Variants in CDH20 observed in about 807,000 individuals in gnomAD.
CDH20 encodes the protein cadherin 20, also known as cadherin-20.
CDH20 carries 29 observed loss-of-function variants against 74.2 expected under a neutral mutation model. That is an observed-to-expected ratio of 0.39 (90% CI 0.29 to 0.53). The LOEUF (loss-of-function observed/expected upper bound fraction) is 0.53, where lower values mean the gene tolerates loss of function less well. CDH20 is among the 20% of genes least tolerant of loss of function. CDH20 has a pLI of 0.69. For synonymous variants in CDH20, 469 were observed against 405.4 expected, an observed-to-expected ratio of 1.16 and a Z score of -1.88; for missense variants, 988 against 1,048.3, an observed-to-expected ratio of 0.94 and a Z score of 0.79.
chr18:61,383,666 T>C (rs1911507827), intron 1 of CDH20, among the ~76,000 whole-genome samples: 1 of 152,170 alleles, frequency 6.6e-6, no homozygotes. Context: ...TATTTACATA[T>C]CTGAAATTCT....
At chr18:61,504,515 T>G (rs772930957) in intron 5 of CDH20, among the ~76,000 whole-genome samples, 1 of 151,942 alleles carries the variant, frequency 6.6e-6, no homozygotes, top group Non-Finnish European at 1.5e-5. Flanking sequence ...GAATATGAAG[T>G]GACAGCAGGA....
chr18:61,350,468 C>G (rs1910267019), intron 1 of CDH20, among the ~76,000 whole-genome samples: 1 of 151,964 alleles, frequency 6.6e-6, no homozygotes, highest in Admixed American at 6.6e-5. Flanking sequence ...ATTCCATGCA[C>G]GATTCCACCC....
At chr18:61,497,254 G>A (rs990669349) in intron 2 of CDH20, among the ~76,000 whole-genome samples, 10 of 151,956 alleles carry the variant, frequency 6.6e-5, no homozygotes, top group Admixed American at 1.3e-4. Flanking sequence ...TAGATAAGAC[G>A]CAGCTGAGTT....
chr18:61,478,883 T>G (rs1247982859), intron 1 of CDH20, among the ~76,000 whole-genome samples: 1 of 152,096 alleles, frequency 6.6e-6, no homozygotes, highest in Non-Finnish European at 1.5e-5. Flanking sequence ...AAAATCTCTG[T>G]ACTAAAGTAT....
At chr18:61,538,868 G>A (rs1050630118) in intron 8 of CDH20, among the ~76,000 whole-genome samples, 156 bp from the exon 9 acceptor site, 14 of 151,814 alleles carry the variant, frequency 9.2e-5, no homozygotes, top group Non-Finnish European at 1.8e-4. Context: ...TCCTGACATC[G>A]TGATCCTCCC....
intron 1 of CDH20, among the ~76,000 whole-genome samples, chr18:61,335,028 G>A (rs1409995560): frequency 6.6e-6 from 1 of 152,120 alleles, no homozygotes; most frequent in Non-Finnish European, 1.5e-5. Flanking sequence ...CAGGGACTCA[G>A]CTAAGGAATT....
At chr18:61,336,370 A>T (rs1816419675) in intron 1 of CDH20, among the ~76,000 whole-genome samples, 1 of 152,224 alleles carries the variant, frequency 6.6e-6, no homozygotes, top group African/African-American at 2.4e-5. Context: ...ATAGCGCAGT[A>T]GTCTTCTCTT....
At position 61,521,141 on chromosome 18, in the gene CDH20, T is replaced by C. The variant is rs762731028; in HGVS notation, c.1018-6826T>C. ...AAAAATCATTGAATCCAGGAGCTGG[T>C]TTTTTGAAAAGATTAACAAAATAGA... On this transcript the variant is annotated intron_variant, in intron 6 of 11. Transcript: ENST00000262717. Among the ~76,000 whole-genome samples the C allele has an allele frequency of 5.2e-4, 78 of 150,858 alleles. 1 individual carries two copies. The highest frequency in any genetic ancestry group is 8.3e-4 in the Non-Finnish European group (56 of 67,780).
chr18:61,526,694 G>GA (rs529531633), intron 6 of CDH20, among the ~76,000 whole-genome samples: 1,936 of 148,506 alleles, frequency 0.013, 13 homozygotes, highest in South Asian at 0.03. Context: ...TATTTATTTT[G>GA]AAAAAAAAAA....
At chr18:61,495,661 C>A (rs1046679891) in intron 2 of CDH20, among the ~76,000 whole-genome samples, 2 of 152,294 alleles carry the variant, frequency 1.3e-5, no homozygotes, top group East Asian at 1.9e-4. Context: ...TCAGGCCCAG[C>A]CTCAAGGGGC....
intron 2 of CDH20, among the ~76,000 whole-genome samples, chr18:61,496,744 G>T (rs1911179680): frequency 6.6e-6 from 1 of 152,192 alleles, no homozygotes; most frequent in Non-Finnish European, 1.5e-5. Context: ...TCCTGGGGTG[G>T]CCTTTCTGTC....
At chr18:61,508,762 G>C (rs145381206) in intron 6 of CDH20, among the ~76,000 whole-genome samples, 6 of 151,960 alleles carry the variant, frequency 3.9e-5, no homozygotes, top group Non-Finnish European at 8.8e-5. Context: ...TCAGCCTCCC[G>C]AGTAGCTGGG....
chr18:61,339,961 A>G (rs1190423395), intron 1 of CDH20, among the ~76,000 whole-genome samples: 1 of 152,000 alleles, frequency 6.6e-6, no homozygotes, highest in East Asian at 1.9e-4. Flanking sequence ...AAGTGCTGGG[A>G]TTACAGGCGT....
At chr18:61,385,626 T>C (rs969771004) in intron 1 of CDH20, among the ~76,000 whole-genome samples, 1 of 152,056 alleles carries the variant, frequency 6.6e-6, no homozygotes, top group African/African-American at 2.4e-5. Context: ...ACAAAGACCC[T>C]GTATAAAAGA....
intron 1 of CDH20, among the ~76,000 whole-genome samples, chr18:61,337,265 T>G (rs976826338): frequency 2.0e-5 from 3 of 152,220 alleles, no homozygotes; most frequent in Non-Finnish European, 4.4e-5. Flanking sequence ...CCACTTTTTA[T>G]TCCCTCCACA....
At chr18:61,414,322 G>T (rs1021795677) in intron 1 of CDH20, among the ~76,000 whole-genome samples, 1 of 152,072 alleles carries the variant, frequency 6.6e-6, no homozygotes, top group Non-Finnish European at 1.5e-5. Context: ...AACAAGAGAA[G>T]CACAAGGGAA....
chr18:61,505,383 G>C (rs1911528585), intron 5 of CDH20, among the ~76,000 whole-genome samples: 1 of 146,448 alleles, frequency 6.8e-6, no homozygotes, highest in Non-Finnish European at 1.5e-5. Flanking sequence ...TGTCACCCAG[G>C]CTGGACTGCA....
At chr18:61,478,117 T>G (rs546220101) in intron 1 of CDH20, among the ~76,000 whole-genome samples, 2 of 151,868 alleles carry the variant, frequency 1.3e-5, no homozygotes, top group East Asian at 1.9e-4. Flanking sequence ...AAGAATCACT[T>G]GAACCCAAAA....
chr18:61,375,274 G>A (rs775955777), intron 1 of CDH20, among the ~76,000 whole-genome samples: 1 of 152,152 alleles, frequency 6.6e-6, no homozygotes, highest in Non-Finnish European at 1.5e-5. Flanking sequence ...ATTCACAGAA[G>A]TGTTTAAAAG....
Sources: gnomAD v4.1 joint callset for allele counts (sites outside exome capture counted in the v4.1 genomes callset) on GRCh38, gnomAD v4.1.1 for gene constraint, MANE v1.5 for transcripts, NCBI Gene and HGNC (gene_info 2026-07-23, HGNC 2026-07-21) for gene names.